CTNNBIP1: variants seen among roughly 807,000 people sequenced by gnomAD.
CTNNBIP1 encodes the protein beta-catenin-interacting protein 1.
Under a neutral mutation model 11.8 loss-of-function variants are expected in CTNNBIP1, and 7 were observed. That is an observed-to-expected ratio of 0.60 (90% CI 0.34 to 1.12). The LOEUF (loss-of-function observed/expected upper bound fraction) is 1.12. Among genes scored for constraint, CTNNBIP1 ranks in the 50% most tolerant of loss-of-function variants. The probability of loss-of-function intolerance (pLI) is 0.03; values close to 1 mark genes in which losing one functional copy is unlikely to be tolerated. For missense variants in CTNNBIP1, 101 were observed against 113.4 expected (o/e 0.89, Z 0.50); for synonymous variants, 58 against 43.9 (o/e 1.32, Z -1.26).
chr1:9,902,790 G>A (rs1639547537), intron 1 of CTNNBIP1, among the ~76,000 whole-genome samples: 1 of 150,730 alleles, frequency 6.6e-6, no homozygotes, highest in Non-Finnish European at 1.5e-5. Flanking sequence ...TTTTGAGACA[G>A]AGTCTCACTC....
intron 1 of CTNNBIP1, among the ~76,000 whole-genome samples, chr1:9,907,855 G>C (rs1004713637): frequency 1.3e-5 from 2 of 152,182 alleles, no homozygotes; most frequent in African/African-American, 4.8e-5. Flanking sequence ...AGCTGCAATA[G>C]TCTGTCTCAT....
intron 1 of CTNNBIP1, among the ~76,000 whole-genome samples, chr1:9,888,256 T>G (rs947046484): frequency 3.3e-5 from 5 of 151,266 alleles, no homozygotes; most frequent in Non-Finnish European, 7.4e-5. Context: ...TGAAACCCCA[T>G]CTCTACAAAA....
chr1:9,858,517 G>A lies in CTNNBIP1; in HGVS notation c.188-7741C>T, dbSNP rs556805123. ...ACACCCCAGGGCCTTTGCACCTGCC[G>A]CTTCTGTTGCCTTGATGTTCTTCTC... On this transcript the variant is annotated intron_variant, in intron 5 of 5. Transcript: ENST00000377263. Among the ~76,000 whole-genome samples the A allele has an allele frequency of 9.9e-4, 150 of 152,204 alleles. No individual in the cohort carries two copies. In the South Asian group the frequency reaches 0.012, roughly 12 times the overall value.
In CTNNBIP1 at chr1:9,850,467, T is replaced by A. The variant is rs893822125; in HGVS notation, c.*251A>T. ...ATAAAAGGTTTCTGTTGGTCAAGAT[T>A]TAAAAAATAAAAAAGTTTCTTCCTG... On this transcript the variant is annotated 3_prime_UTR_variant, in exon 6 of 6. Transcript: ENST00000377263. 1.9e-3 allele frequency: 786 copies of A among 410,852 alleles called. 9 individuals carry two copies. The highest frequency in any genetic ancestry group is 4.6e-4 in the Non-Finnish European group (106 of 228,180). 25.5% of individuals were successfully genotyped at this position (410,852 alleles called of 1,614,324 possible). A position where few individuals can be genotyped will look rare whatever the true frequency, so the allele number is the denominator to read the frequency against.
At chr1:9,862,335 A>C (rs1638648766) in intron 5 of CTNNBIP1, among the ~76,000 whole-genome samples, 1 of 152,174 alleles carries the variant, frequency 6.6e-6, no homozygotes, top group Non-Finnish European at 1.5e-5. Context: ...CTCCTGCCTC[A>C]GCCTCCCAAA....
intron 1 of CTNNBIP1, among the ~76,000 whole-genome samples, chr1:9,884,081 C>T (rs562417332): frequency 6.6e-6 from 1 of 152,108 alleles, no homozygotes; most frequent in Non-Finnish European, 1.5e-5. Context: ...GGGGAGGGCA[C>T]CTGGGCCAGC....
intron 1 of CTNNBIP1, among the ~76,000 whole-genome samples, chr1:9,888,173 G>A (rs1198213100): frequency 6.6e-6 from 1 of 151,990 alleles, no homozygotes; most frequent in East Asian, 2.0e-4. Flanking sequence ...GCTCATGCCT[G>A]TAATCCCAAC....
Position 9,871,168 on chromosome 1 carries a change from C to T in CTNNBIP1, c.187+19G>A, listed in dbSNP as rs1238202155. 7 of 1,549,124 alleles carry T rather than the reference C, an allele frequency of 4.5e-6. No individual in the cohort carries two copies. The African/African-American group carries it at 8.1e-5, about 18-fold the overall frequency. ...CTGGGACTTGTGCCACTGCCCCAGC[C>T]CCTCTGCCGCCAACTCACCCTGGTC... On this transcript the variant is annotated intron_variant, in intron 5 of 5. Transcript: ENST00000377263. The surrounding 1 kb of genome is among the most constrained non-coding windows in gnomAD (Gnocchi z 5.2).
chr1:9,905,106 G>C (rs1639591517), intron 1 of CTNNBIP1, among the ~76,000 whole-genome samples: 1 of 152,188 alleles, frequency 6.6e-6, no homozygotes, highest in Non-Finnish European at 1.5e-5. Flanking sequence ...CTGTCTTTTA[G>C]TGTGGACTCA....
chr1:9,859,999 A>G (rs772991000), intron 5 of CTNNBIP1, among the ~76,000 whole-genome samples: 3 of 152,152 alleles, frequency 2.0e-5, no homozygotes, highest in Non-Finnish European at 4.4e-5. Flanking sequence ...TCACCAAAGC[A>G]TCTGGGTGTG....
chr1:9,885,851 G>C (rs1387023558), intron 1 of CTNNBIP1, among the ~76,000 whole-genome samples: 1 of 151,298 alleles, frequency 6.6e-6, no homozygotes. Context: ...AGAATCGCTT[G>C]AATCTGGGAG....
At chr1:9,880,606 A>G (rs1386840915) in intron 2 of CTNNBIP1, among the ~76,000 whole-genome samples, 3 of 152,218 alleles carry the variant, frequency 2.0e-5, no homozygotes, top group Admixed American at 1.3e-4. Context: ...ACAGCGTGAA[A>G]GCGTTCCTAT....
chr1:9,866,980 G>A (rs72858010), intron 5 of CTNNBIP1, among the ~76,000 whole-genome samples: 5,303 of 152,232 alleles, frequency 0.035, 297 homozygotes, highest in African/African-American at 0.12. Context: ...TGTACTTGCT[G>A]GGCATTGGTC....
chr1:9,865,728 G>C (rs1638730602), intron 5 of CTNNBIP1, among the ~76,000 whole-genome samples: 1 of 152,230 alleles, frequency 6.6e-6, no homozygotes, highest in African/African-American at 2.4e-5. Context: ...TTAACAAAGG[G>C]TAAGAGTGAT....
rs1020156438 is a variant in CTNNBIP1 at position 9,886,232 on chromosome 1, C to A, written c.-143-2494G>T. On this transcript the variant is annotated intron_variant, in intron 1 of 5. Coordinates refer to ENST00000377263, the MANE Select transcript of CTNNBIP1 (RefSeq NM_020248.3). The stretch of plus-strand genomic sequence containing the variant: ...CCTTGCTTCCACAGTCTGAGTGCTG[C>A]CCCGAATCACTGGGAACACTTCTCA... Among the ~76,000 whole-genome samples, 3 of 152,254 alleles carry A rather than the reference C, an allele frequency of 2.0e-5. No individual in the cohort carries two copies. In the South Asian group the frequency reaches 6.2e-4, roughly 32 times the overall value.
intron 2 of CTNNBIP1, among the ~76,000 whole-genome samples, chr1:9,881,242 C>T (rs962914115): frequency 5.9e-5 from 9 of 151,552 alleles, no homozygotes; most frequent in African/African-American, 1.9e-4. Flanking sequence ...ATGATGTTGC[C>T]CAGGGTGGTC....
intron 1 of CTNNBIP1, among the ~76,000 whole-genome samples, chr1:9,902,974 C>A (rs1639551689): frequency 6.6e-6 from 1 of 152,084 alleles, no homozygotes; most frequent in African/African-American, 2.4e-5. Context: ...ACCATGTTAG[C>A]CAAGATGGTC....
In CTNNBIP1 at chr1:9,871,042, GGA is replaced by G. The variant is rs1045253535; in HGVS notation, c.187+143_187+144del. ...GGTTTCCTGGCTCAGCTCTGTGGGT[GGA>G]GAGAGCTGTAGCCCCTCCTAGTCAG... On this transcript the variant is annotated intron_variant, in intron 5 of 5. Transcript: ENST00000377263. This position sits in a 1 kb window ranked among gnomAD's most constrained non-coding sequence, Gnocchi z 5.2. The G allele has an allele frequency of 4.9e-6, 3 of 615,174 alleles. No individual in the cohort carries two copies. In the East Asian group the frequency reaches 8.9e-5, roughly 18 times the overall value. 38.1% of individuals were successfully genotyped at this position (615,174 alleles called of 1,614,324 possible). A position where few individuals can be genotyped will look rare whatever the true frequency, so the allele number is the denominator to read the frequency against.
Position 9,865,769 on chromosome 1 carries a change from A to T in CTNNBIP1, c.187+5418T>A, listed in dbSNP as rs192166848. 1.2e-4 allele frequency among the ~76,000 whole-genome samples: 18 copies of T among 152,306 alleles called. 1 individual carries two copies. Among genetic ancestry groups the T allele is most frequent in the Admixed American group, 3.3e-4 (5 of 15,284 alleles). ...CTATGCAGTAGGATTCAATATTTCA[A>T]ACTTTTCTGCTCTTTCTCCCTTTCC... is the stretch of plus-strand genomic sequence containing the variant. On this transcript the variant is annotated intron_variant, in intron 5 of 5. Transcript: ENST00000377263.
Sources: gnomAD v4.1 joint callset for allele counts (sites outside exome capture counted in the v4.1 genomes callset) on GRCh38, gnomAD v4.1.1 for gene constraint, Gnocchi (gnomAD v3.1) non-coding constraint, MANE v1.5 for transcripts, NCBI Gene and HGNC (gene_info 2026-07-23, HGNC 2026-07-21) for gene names.